Variants in LSM14B observed in about 807,000 individuals in gnomAD.
LSM14B encodes LSM family member 14B.
Under a neutral mutation model 42.1 loss-of-function variants are expected in LSM14B, and 8 were observed. The observed-to-expected ratio is 0.19, with a 90% confidence interval of 0.11 to 0.34. The LOEUF (loss-of-function observed/expected upper bound fraction) is 0.34. Ranked by LOEUF, LSM14B falls within the 10% of genes least tolerant of loss-of-function variation. LSM14B has a pLI of 1.00. For synonymous variants in LSM14B, 219 were observed against 209.7 expected, an observed-to-expected ratio of 1.04 and a Z score of -0.38; for missense variants, 396 against 513.1, an observed-to-expected ratio of 0.77 and a Z score of 2.21.
chr20:62,128,393 G>A (rs965386311), intron 3 of LSM14B, among the ~76,000 whole-genome samples: 3 of 152,250 alleles, frequency 2.0e-5, no homozygotes, highest in Non-Finnish European at 2.9e-5. Context: ...TGATGCCTGG[G>A]CTTTCCTTAT....
chr20:62,126,288 A>T lies in LSM14B; in HGVS notation c.292-16A>T. The T allele has an allele frequency of 6.2e-7, 1 of 1,613,902 alleles. No homozygotes were observed. On this transcript the variant is annotated splice_polypyrimidine_tract_variant and intron_variant, in intron 2 of 8. Coordinates refer to ENST00000279068, the MANE Select transcript of LSM14B (RefSeq NM_144703.3). ...GGATGGCCTTCGCCGTTCTCACCCG[A>T]TGTCTCGTTGTTCAGTCTTCCCTGG... is the stretch of plus-strand genomic sequence containing the variant.
rs546418770 is a variant in LSM14B, at chr20:62,133,399, A to G, written c.1096A>G (p.Arg366Gly). 6.2e-6 allele frequency: 10 copies of G among 1,613,410 alleles called. No individual in the cohort carries two copies. The African/African-American group carries it at 8.0e-5, about 13-fold the overall frequency. ...RSSRGGFRGG[R>G]GNGTTRRNPT... ...TTCTCGGGGCGGATTCCGAGGAGGC[A>G]GGGGCAATGGGACCACCCGTCGCAA... The change falls in exon 8 of 9, where the codon AGG (arginine) becomes GGG (glycine). Residue 366 changes from arginine (R) to glycine (G), a missense_variant. Physicochemically the swap from Arg to Gly is moderately radical, Grantham distance 125. Around this residue, in one of 3 missense-constraint regions of LSM14B, gnomAD observed 118 missense variants for 156.4 expected, o/e 0.75. Transcript: ENST00000279068.
chr20:62,125,397 G>A (rs2056563680), intron 2 of LSM14B, among the ~76,000 whole-genome samples: 1 of 152,244 alleles, frequency 6.6e-6, no homozygotes, highest in Non-Finnish European at 1.5e-5. Flanking sequence ...TTCGGGCATA[G>A]CGTTTGCCCT....
intron 7 of LSM14B, among the ~76,000 whole-genome samples, chr20:62,131,824 G>T (rs1378968923): frequency 6.6e-6 from 1 of 152,242 alleles, no homozygotes; most frequent in African/African-American, 2.4e-5. Flanking sequence ...ACGGTGCTCT[G>T]CTTGCTGGTC....
At chr20:62,131,257 TTG>T in intron 6 of LSM14B, 97 bp from the exon 7 acceptor site, 1 of 1,358,394 alleles carries the variant, frequency 7.4e-7, no homozygotes, top group South Asian at 1.5e-5. Context: ...ATGTCTTAGC[TTG>T]AGGGTGGCTT....
intron 3 of LSM14B, among the ~76,000 whole-genome samples, chr20:62,128,488 AGTC>A (rs1181012823): frequency 6.6e-6 from 1 of 152,198 alleles, no homozygotes; most frequent in African/African-American, 2.4e-5. Flanking sequence ...GTTACAGAGT[AGTC>A]TTTTTTTTTC....
intron 8 of LSM14B, among the ~76,000 whole-genome samples, chr20:62,133,941 C>G (rs2056838815): frequency 6.6e-6 from 1 of 152,246 alleles, no homozygotes; most frequent in Admixed American, 6.5e-5. Context: ...CGCCTCGGGA[C>G]AGCCAGGTGG....
At chr20:62,134,081 G>T (rs1274619672) in intron 8 of LSM14B, 82 bp from the exon 9 acceptor site, 4 of 377,066 alleles carry the variant, frequency 1.1e-5, no homozygotes, top group Non-Finnish European at 1.6e-5. Context: ...CAGGAGGGAG[G>T]CTGAGTGGCT....
intron 1 of LSM14B, chr20:62,123,108 GC>G: frequency 6.3e-6 from 1 of 157,490 alleles, no homozygotes; most frequent in Non-Finnish European, 1.4e-5. Context: ...CCGCGGTGCC[GC>G]CCCCTCGGCC....
At position 62,130,389 on chromosome 20, in the gene LSM14B, A is replaced by G. The variant is rs73915590; in HGVS notation, c.673+93A>G. The G allele has an allele frequency of 3.7e-4, 561 of 1,530,564 alleles. No individual in the cohort carries two copies. The African/African-American group carries it at 7.0e-3, about 19-fold the overall frequency. 94.8% of individuals were successfully genotyped at this position (1,530,564 alleles called of 1,614,324 possible). A position where few individuals can be genotyped will look rare whatever the true frequency, so the allele number is the denominator to read the frequency against. ...GCCTGCTTCTCTGGTTGACGGTTTC[A>G]GGGGTGCTGGTGTGAAGTCGCTGCT... is the stretch of plus-strand genomic sequence containing the variant. On this transcript the variant is annotated intron_variant, in intron 5 of 8. Transcript: ENST00000279068. The surrounding 1 kb of genome is among the most constrained non-coding windows in gnomAD (Gnocchi z 4.1).
rs2056531342 is a variant in LSM14B, at chr20:62,124,650, A to G, written c.161A>G (p.Asp54Gly). ...TTTGGCACTGAAGACCGTCCCACAG[A>G]TAGGCCTGCGCCCCCCAGAGAGGAG... Reference protein sequence around the residue: ...RSFGTEDRPTDRPAPPREEIY... With the variant: ...RSFGTEDRPTGRPAPPREEIY... The change falls in exon 2 of 9, where the codon GAT becomes GGT. Residue 54 changes from aspartate (D) to glycine (G), a missense_variant. Asp to Gly is a moderately conservative substitution (Grantham distance 94, BLOSUM62 -1). Coordinates refer to ENST00000279068, the MANE Select transcript of LSM14B (RefSeq NM_144703.3). The G allele has an allele frequency of 6.2e-7, 1 of 1,613,824 alleles. No homozygotes were observed. Among genetic ancestry groups the G allele is most frequent in the African/African-American group, 1.3e-5 (1 of 74,916 alleles).
intron 7 of LSM14B, among the ~76,000 whole-genome samples, chr20:62,132,985 C>G (rs774202368): frequency 7.9e-5 from 12 of 152,218 alleles, no homozygotes; most frequent in Non-Finnish European, 1.6e-4. Context: ...CAGGGCTCCT[C>G]TCTGTGCCCA....
intron 2 of LSM14B, among the ~76,000 whole-genome samples, chr20:62,125,125 C>T (rs983111294): frequency 5.3e-5 from 8 of 152,286 alleles, no homozygotes; most frequent in Admixed American, 3.9e-4. Context: ...GTGATGCACC[C>T]GCCTTGGCCT....
intron 3 of LSM14B, chr20:62,128,049 C>G: frequency 1.8e-6 from 1 of 562,836 alleles, no homozygotes; most frequent in South Asian, 2.0e-5. Flanking sequence ...GCAGGGGGGA[C>G]TCCCCAAAGC....
Position 62,122,865 on chromosome 20 carries a change from G to T in LSM14B, c.127+72G>T. 1 of 1,183,528 alleles carries T rather than the reference G, an allele frequency of 8.4e-7. No homozygotes were observed. The highest frequency in any genetic ancestry group is 4.3e-5 in the East Asian group (1 of 23,366). The allele number at this position is 1,183,528 out of a possible 1,614,324, so 73.3% of individuals were successfully genotyped here. A position where few individuals can be genotyped will look rare whatever the true frequency, so the allele number is the denominator to read the frequency against. On this transcript the variant is annotated intron_variant, in intron 1 of 8. Coordinates refer to ENST00000279068, the MANE Select transcript of LSM14B (RefSeq NM_144703.3). This position sits in a 1 kb window ranked among gnomAD's most constrained non-coding sequence, Gnocchi z 4.6. ...AGCCCCGGCCTGCGGTGCCCTCCCC[G>T]CCCCGGGGCGCCCCGGAGCCTGGCG... is the stretch of plus-strand genomic sequence containing the variant.
In LSM14B at chr20:62,122,888, GCGCCCAGACCC is replaced by G. The variant is rs924588308; in HGVS notation, c.127+104_127+114del. 66 of 1,161,836 alleles carry G rather than the reference GCGCCCAGACCC, an allele frequency of 5.7e-5. No homozygotes were observed. The African/African-American group carries it at 7.2e-4, about 13-fold the overall frequency. The allele number at this position is 1,161,836 out of a possible 1,614,324, so 72.0% of individuals were successfully genotyped here. On this transcript the variant is annotated intron_variant, in intron 1 of 8. Transcript: ENST00000279068. The surrounding 1 kb of genome is among the most constrained non-coding windows in gnomAD (Gnocchi z 4.6). ...CCGCCCCGGGGCGCCCCGGAGCCTG[GCGCCCAGACCC>G]CGCCCAGAACCCACCCAGGGCACAC...
intron 7 of LSM14B, 100 bp from the exon 8 acceptor site, chr20:62,133,190 T>G: frequency 7.0e-7 from 1 of 1,435,540 alleles, no homozygotes; most frequent in Non-Finnish European, 9.4e-7. Context: ...GTGGCCCTGG[T>G]GAGTCTGTCC....
chr20:62,134,697 A>C lies in LSM14B; in HGVS notation c.*549A>C, dbSNP rs1018934903. On this transcript the variant is annotated 3_prime_UTR_variant, in exon 9 of 9. Transcript: ENST00000279068. ...TGGAGGGCACGGAAGGGGTTTTCCCATGGATCATGTTGTATAAGTGAACCA... is the reference window on the plus strand; with the variant it reads ...TGGAGGGCACGGAAGGGGTTTTCCCCTGGATCATGTTGTATAAGTGAACCA... The C allele has an allele frequency of 9.2e-6, 2 of 217,908 alleles. No individual in the cohort carries two copies. The highest frequency in any genetic ancestry group is 1.8e-5 in the Non-Finnish European group (2 of 108,570). 13.5% of individuals were successfully genotyped at this position (217,908 alleles called of 1,614,324 possible). A position where few individuals can be genotyped will look rare whatever the true frequency, so the allele number is the denominator to read the frequency against.
chr20:62,124,026 C>A (rs2056505774), intron 1 of LSM14B, among the ~76,000 whole-genome samples: 1 of 152,348 alleles, frequency 6.6e-6, no homozygotes, highest in South Asian at 2.1e-4. Flanking sequence ...GACTTGGGCG[C>A]TCCTGGAAGC....
Sources: gnomAD v4.1 joint callset for allele counts (sites outside exome capture counted in the v4.1 genomes callset) on GRCh38, gnomAD v4.1.1 for gene constraint, gnomAD v4.1.1 regional missense constraint, Gnocchi (gnomAD v3.1) non-coding constraint, MANE v1.5 for transcripts, NCBI Gene and HGNC (gene_info 2026-07-23, HGNC 2026-07-21) for gene names.